Variants in CYP39A1 observed in about 807,000 individuals in gnomAD.
CYP39A1 encodes the protein 24-hydroxycholesterol 7-alpha-hydroxylase.
A neutral mutation model predicts 58.1 loss-of-function variants in CYP39A1; 49 were observed. The observed-to-expected ratio is 0.84, with a 90% CI of 0.67 to 1.07. The LOEUF is 1.07. Ranked by LOEUF, CYP39A1 falls within the 50% of genes least tolerant of loss-of-function variation. The pLI is 0.00. For missense variants in CYP39A1, 531 were observed against 539.4 expected (o/e 0.98, Z 0.16); for synonymous variants, 209 against 187.6 (o/e 1.11, Z -0.93).
chr6:46,646,103 T>C (rs1435181029), intron 1 of CYP39A1, among the ~76,000 whole-genome samples: 1 of 151,890 alleles, frequency 6.6e-6, no homozygotes, highest in Non-Finnish European at 1.5e-5. Flanking sequence ...TCCATATATA[T>C]TTTCTTTTCT....
intron 7 of CYP39A1, among the ~76,000 whole-genome samples, chr6:46,608,869 C>T (rs1178921558): frequency 6.6e-6 from 1 of 152,044 alleles, no homozygotes; most frequent in East Asian, 2.0e-4. Flanking sequence ...CCACCTCGGC[C>T]TCCCAAAGTG....
intron 10 of CYP39A1, among the ~76,000 whole-genome samples, chr6:46,554,344 T>C (rs1770561987): frequency 6.6e-6 from 1 of 152,204 alleles, no homozygotes; most frequent in South Asian, 2.1e-4. Context: ...AAGGCTCTAT[T>C]GGACAGTCCT....
In CYP39A1 at chr6:46,652,503, C is replaced by G. The variant is rs61661828; in HGVS notation, c.80G>C (p.Arg27Pro). 6.2e-7 allele frequency: 1 copy of G among 1,613,964 alleles called. No individual in the cohort carries two copies. Among genetic ancestry groups the G allele is most frequent in the African/African-American group, 1.3e-5 (1 of 75,032 alleles). The change falls in exon 1 of 12, where the codon CGT becomes CCT. Residue 27 changes from arginine (R) to proline (P), a missense_variant. Arg to Pro is a moderately radical substitution (Grantham distance 103). Coordinates refer to ENST00000275016, the MANE Select transcript of CYP39A1 (RefSeq NM_016593.5). The part of the protein sequence containing the change: ...LFLLLQRKNL[R>P]RPPCIKGWIP... ...CCAGCCCTTGATGCACGGGGGTCTACGCAAATTCTTCCGCTGAAGGAGTAA... is the reference window on the plus strand; with the variant it reads ...CCAGCCCTTGATGCACGGGGGTCTAGGCAAATTCTTCCGCTGAAGGAGTAA...
Position 46,549,737 on chromosome 6 carries a change from C to T in CYP39A1, c.*629G>A, listed in dbSNP as rs1770292860. 1 of 152,154 alleles carries T rather than the reference C, an allele frequency of 6.6e-6. No individual in the cohort carries two copies. The highest frequency in any genetic ancestry group is 1.5e-5 in the Non-Finnish European group (1 of 68,014). The allele number at this position is 152,154 out of a possible 1,614,324, so 9.4% of individuals were successfully genotyped here. A position where few individuals can be genotyped will look rare whatever the true frequency, so the allele number is the denominator to read the frequency against. ...TCAACATACATTTATTGAATATACT[C>T]TGTAAAGAAGGTGCAATCCTGAGCA... On this transcript the variant is annotated 3_prime_UTR_variant, in exon 12 of 12. Transcript: ENST00000275016.
intron 10 of CYP39A1, chr6:46,583,562 G>T: frequency 6.1e-6 from 6 of 985,318 alleles, no homozygotes; most frequent in Non-Finnish European, 7.2e-6. Flanking sequence ...GGTTCATGCT[G>T]CTCTTTCCTG....
At chr6:46,560,538 G>A (rs1425394761) in intron 10 of CYP39A1, among the ~76,000 whole-genome samples, 2 of 152,050 alleles carry the variant, frequency 1.3e-5, no homozygotes, top group African/African-American at 4.8e-5. Context: ...GGAGGTTGAG[G>A]GAATTGTAAT....
chr6:46,622,431 C>A (rs1314804542), intron 7 of CYP39A1, among the ~76,000 whole-genome samples: 1 of 151,890 alleles, frequency 6.6e-6, no homozygotes, highest in Admixed American at 6.6e-5. Context: ...GCACTTCTAC[C>A]TTCCTCTGCC....
chr6:46,575,531 A>C (rs936960839), intron 10 of CYP39A1, among the ~76,000 whole-genome samples: 1 of 152,182 alleles, frequency 6.6e-6, no homozygotes, highest in Non-Finnish European at 1.5e-5. Context: ...GCACTTTTGC[A>C]TCTTGCCAGT....
At position 46,652,588 on chromosome 6, in the gene CYP39A1, T is replaced by C. The variant is rs201244643; in HGVS notation, c.-6A>G. On this transcript the variant is annotated 5_prime_UTR_variant, in exon 1 of 12. Coordinates refer to ENST00000275016, the MANE Select transcript of CYP39A1 (RefSeq NM_016593.5). ...GTTGGGGAAATTAGTTCCATGTTTT[T>C]GTCCAGCACCTTCCAGAAGCAGAAA... is the stretch of plus-strand genomic sequence containing the variant. 3.2e-3 allele frequency: 5,061 copies of C among 1,586,982 alleles called. 42 individuals are homozygous for C. Among genetic ancestry groups the C allele is most frequent in the South Asian group, 0.02 (1,697 of 86,610 alleles).
intron 7 of CYP39A1, among the ~76,000 whole-genome samples, chr6:46,607,490 CAT>C (rs1554162454): frequency 4.0e-5 from 6 of 151,752 alleles, no homozygotes; most frequent in Admixed American, 6.6e-5. Flanking sequence ...CACACACACA[CAT>C]GCATACATGC....
At chr6:46,638,097 T>A in intron 3 of CYP39A1, 119 bp from the exon 4 acceptor site, 1 of 1,010,536 alleles carries the variant, frequency 9.9e-7, no homozygotes, top group Non-Finnish European at 1.4e-6. Flanking sequence ...GGTGACAGAT[T>A]CTCTTGGGAA....
At chr6:46,582,235 A>G (rs1033701788) in intron 10 of CYP39A1, among the ~76,000 whole-genome samples, 4 of 152,192 alleles carry the variant, frequency 2.6e-5, no homozygotes, top group Non-Finnish European at 5.9e-5. Context: ...ACTTGTCACT[A>G]AATTTATGGG....
rs534293907 is a variant in CYP39A1, at chr6:46,643,365, A to G, written c.178-1067T>C. 1.1e-4 allele frequency among the ~76,000 whole-genome samples: 17 copies of G among 152,312 alleles called. No individual in the cohort carries two copies. In the South Asian group the frequency reaches 3.3e-3, roughly 30 times the overall value. On this transcript the variant is annotated intron_variant, in intron 1 of 11. Transcript: ENST00000275016. ...ATTAGTCATTTCTATACCTCCCAAG[A>G]GATGACACATGATTACTCCTGCAAC... is the stretch of plus-strand genomic sequence containing the variant.
Position 46,642,256 on chromosome 6 carries a change from T to A in CYP39A1, c.220A>T (p.Thr74Ser), listed in dbSNP as rs559732715. 3 of 1,612,838 alleles carry A rather than the reference T, an allele frequency of 1.9e-6. No individual in the cohort carries two copies. The African/African-American group carries it at 4.0e-5, about 22-fold the overall frequency. ...ATTCCTTCTTCTTCAGTAACAAAGG[T>A]CATTCGGTTTCCCATAGCAAAGACT... ...FTVFAMGNRM[T>S]FVTEEEGINV... Residue 74 changes from threonine to serine, a missense_variant, in exon 2 of 12, where the codon ACC (threonine) becomes TCC (serine). Coordinates refer to ENST00000275016, the MANE Select transcript of CYP39A1 (RefSeq NM_016593.5).
chr6:46,610,517 T>C (rs1394407801), intron 7 of CYP39A1, among the ~76,000 whole-genome samples: 1 of 151,996 alleles, frequency 6.6e-6, no homozygotes, highest in African/African-American at 2.4e-5. Context: ...AAATTTTATT[T>C]TTTAATTTTC....
chr6:46,593,737 A>G (rs900794591), intron 8 of CYP39A1, among the ~76,000 whole-genome samples: 1 of 152,178 alleles, frequency 6.6e-6, no homozygotes, highest in African/African-American at 2.4e-5. Flanking sequence ...ATCCATTTGG[A>G]TAATGCAGGC....
chr6:46,564,930 G>A (rs1010196426), intron 10 of CYP39A1, among the ~76,000 whole-genome samples: 1 of 152,182 alleles, frequency 6.6e-6, no homozygotes, highest in East Asian at 1.9e-4. Context: ...AAGTTAAAGC[G>A]GAAGTATGGC....
chr6:46,592,448 C>T (rs1356926926), intron 8 of CYP39A1, among the ~76,000 whole-genome samples: 1 of 152,010 alleles, frequency 6.6e-6, no homozygotes, highest in Non-Finnish European at 1.5e-5. Context: ...CTTGAAAGAA[C>T]CAAATTGTAT....
At chr6:46,627,161 G>A (rs1775361716) in intron 6 of CYP39A1, among the ~76,000 whole-genome samples, 1 of 152,104 alleles carries the variant, frequency 6.6e-6, no homozygotes, top group Non-Finnish European at 1.5e-5. Flanking sequence ...AGGACAGCCT[G>A]GGGAAAACTG....
Sources: allele counts gnomAD v4.1 joint callset (sites outside exome capture counted in the v4.1 genomes callset), GRCh38; gene constraint gnomAD v4.1.1; transcripts MANE v1.5; gene names NCBI Gene and HGNC (gene_info 2026-07-23, HGNC 2026-07-21).